Variants in CLPTM1 observed in about 807,000 individuals in gnomAD.
CLPTM1 encodes putative lipid scramblase CLPTM1.
Under a neutral mutation model 77.3 loss-of-function variants are expected in CLPTM1, and 21 were observed. That is an observed-to-expected ratio of 0.27 (90% confidence interval 0.19 to 0.39). CLPTM1 has a LOEUF of 0.39. Among genes scored for constraint, CLPTM1 ranks in the 10% least tolerant of loss-of-function variants. CLPTM1 has a pLI of 1.00. For missense variants in CLPTM1, 642 were observed against 921.2 expected (o/e 0.70, Z 3.92); for synonymous variants, 373 against 381.0 (o/e 0.98, Z 0.24).
At chr19:44,982,145 T>A (rs1272339543) in intron 5 of CLPTM1, among the ~76,000 whole-genome samples, 2 of 151,858 alleles carry the variant, frequency 1.3e-5, no homozygotes. Flanking sequence ...GGCCAGGAGT[T>A]TGAGACCAGC....
At chr19:44,971,300 A>G (rs1970713544) in intron 2 of CLPTM1, among the ~76,000 whole-genome samples, 1 of 152,074 alleles carries the variant, frequency 6.6e-6, no homozygotes, top group Non-Finnish European at 1.5e-5. Context: ...AGCAGCATAT[A>G]TTCTCATTCT....
chr19:44,978,149 G>C (rs1163460207), intron 5 of CLPTM1, among the ~76,000 whole-genome samples: 2 of 151,968 alleles, frequency 1.3e-5, no homozygotes, highest in African/African-American at 4.8e-5. Context: ...GCTCACGCCT[G>C]TAATCCCAGG....
Position 44,993,032 on chromosome 19 carries a change from GC to G in CLPTM1, c.*138del. The G allele has an allele frequency of 8.7e-7, 1 of 1,150,896 alleles. No homozygotes were observed. Among genetic ancestry groups the G allele is most frequent in the Non-Finnish European group, 1.3e-6 (1 of 791,622 alleles). 71.3% of individuals were successfully genotyped at this position (1,150,896 alleles called of 1,614,324 possible). A position where few individuals can be genotyped will look rare whatever the true frequency, so the allele number is the denominator to read the frequency against. On this transcript the variant is annotated 3_prime_UTR_variant, in exon 14 of 14. Coordinates refer to ENST00000337392, the MANE Select transcript of CLPTM1 (RefSeq NM_001294.4). ...GGTGGGAGGCCCGCCTCAGGTCAGG[GC>G]CCAGCGTGTGATGTAGGGGCCGGGG...
chr19:44,955,738 G>C, intron 1 of CLPTM1: 1 of 362,166 alleles, frequency 2.8e-6, no homozygotes, highest in Admixed American at 4.7e-5. Context: ...TCGGAGGGGC[G>C]CAGGCTTGTA....
rs201314437 is a variant in CLPTM1, at chr19:44,992,723, C to T, written c.1836C>T (p.Ala612=). 201 of 1,613,442 alleles carry T rather than the reference C, an allele frequency of 1.2e-4. No homozygotes were observed. Among genetic ancestry groups the T allele is most frequent in the African/African-American group, 5.7e-4 (43 of 75,008 alleles). The change falls in exon 14 of 14, where the codon GCC becomes GCT. Residue 612 remains alanine, a synonymous_variant. Coordinates refer to ENST00000337392, the MANE Select transcript of CLPTM1 (RefSeq NM_001294.4). The surrounding 1 kb of genome is among the most constrained non-coding windows in gnomAD (Gnocchi z 7.7). ...ACCCCACAGCTGCCGCCCCCGTGGC[C>T]GAGGTTCCCACAGCAGCAGGGGCCC... ...GEDPTAAAPV[A]EVPTAAGALT...
chr19:44,977,689 G>C (rs1970827486), intron 5 of CLPTM1, among the ~76,000 whole-genome samples: 1 of 152,200 alleles, frequency 6.6e-6, no homozygotes, highest in Non-Finnish European at 1.5e-5. Flanking sequence ...GAGGCTCAGG[G>C]ACCAGAGAGA....
Position 44,973,917 on chromosome 19 carries a change from C to G in CLPTM1, c.310-522C>G, listed in dbSNP as rs567904408. Among the ~76,000 whole-genome samples, 32 of 151,570 alleles carry G rather than the reference C, an allele frequency of 2.1e-4. No homozygotes were observed. In the South Asian group the frequency reaches 2.7e-3, roughly 13 times the overall value. ...TAGCTGGGATTACAGGCATGTGCCA[C>G]CACGTCCAGCTAATTTTTTGTATTT... is the stretch of plus-strand genomic sequence containing the variant. On this transcript the variant is annotated intron_variant, in intron 3 of 13. Coordinates refer to ENST00000337392, the MANE Select transcript of CLPTM1 (RefSeq NM_001294.4).
At chr19:44,968,676 G>T (rs1970671753) in intron 2 of CLPTM1, among the ~76,000 whole-genome samples, 1 of 152,154 alleles carries the variant, frequency 6.6e-6, no homozygotes, top group Non-Finnish European at 1.5e-5. Context: ...AATCCAAAAA[G>T]GCCTGGCCTT....
intron 6 of CLPTM1, among the ~76,000 whole-genome samples, 177 bp from the exon 7 acceptor site, chr19:44,986,278 G>A (rs1355427685): frequency 2.6e-4 from 3 of 11,646 alleles, no homozygotes; most frequent in Admixed American, 1.2e-3. Context: ...TGGGAGGATC[G>A]TGCTTGAGCC....
rs35539206 is a variant in CLPTM1, at chr19:44,964,298, C to CTTTTTTTTTTTTTTTT, written c.185+2238_185+2253dup. Among the ~76,000 whole-genome samples, 17 of 68,154 alleles carry CTTTTTTTTTTTTTTTT rather than the reference C, an allele frequency of 2.5e-4. 1 individual carries two copies. Among genetic ancestry groups the CTTTTTTTTTTTTTTTT allele is most frequent in the Non-Finnish European group, 3.2e-4 (12 of 37,718 alleles). 44.7% of individuals were successfully genotyped at this position (68,154 alleles called of 152,430 possible). On this transcript the variant is annotated intron_variant, in intron 2 of 13. Coordinates refer to ENST00000337392, the MANE Select transcript of CLPTM1 (RefSeq NM_001294.4). ...TTTTAACCTATGTTTTCATTTTAAC[C>CTTTTTTTTTTTTTTTT]TTTTTTTTTTTTTTTTTTTTTTTTT... is the stretch of plus-strand genomic sequence containing the variant.
chr19:44,988,125 A>G lies in CLPTM1; in HGVS notation c.1084A>G (p.Ile362Val), dbSNP rs748051771. The G allele has an allele frequency of 1.9e-6, 3 of 1,614,070 alleles. No homozygotes were observed. The East Asian group carries it at 6.7e-5, about 36-fold the overall frequency. Reference protein sequence around the residue: ...TNPYLLALTIIVSIVHSVFEF... With the variant: ...TNPYLLALTIVVSIVHSVFEF... ...CCCCTACCTGCTGGCGCTCACCATC[A>G]TCGTGTCTATCGTTCACAGTGTCTT... Residue 362 changes from isoleucine (I) to valine (V), a missense_variant, in exon 9 of 14, where the codon ATC becomes GTC. By Grantham distance (29) the Ile-to-Val change is conservative (BLOSUM62 3). Around this residue, in one of 2 missense-constraint regions of CLPTM1, gnomAD observed 521 missense variants for 800.4 expected, o/e 0.65. Coordinates refer to ENST00000337392, the MANE Select transcript of CLPTM1 (RefSeq NM_001294.4).
intron 8 of CLPTM1, chr19:44,987,692 G>A (rs1568389295): frequency 3.6e-6 from 2 of 558,054 alleles, no homozygotes; most frequent in African/African-American, 1.9e-5. Flanking sequence ...CAGACCTTGT[G>A]TCCCTGGCCC....
intron 1 of CLPTM1, among the ~76,000 whole-genome samples, chr19:44,960,787 G>A (rs564416848): frequency 3.9e-5 from 6 of 152,262 alleles, no homozygotes; most frequent in East Asian, 1.9e-4. Context: ...TTCAGGCAGC[G>A]GTGGCCACAC....
At chr19:44,955,639 G>A in intron 1 of CLPTM1, 172 bp downstream of exon 1, 1 of 578,640 alleles carries the variant, frequency 1.7e-6, no homozygotes, top group Non-Finnish European at 2.5e-6. Flanking sequence ...GGACGGTGCC[G>A]GGAACAGGGC....
At chr19:44,958,178 C>A (rs989156213) in intron 1 of CLPTM1, among the ~76,000 whole-genome samples, 3 of 151,914 alleles carry the variant, frequency 2.0e-5, no homozygotes, top group East Asian at 1.9e-4. Context: ...CAAAGATACA[C>A]GAGGGAAAAG....
At chr19:44,988,247 C>A in intron 9 of CLPTM1, 74 bp downstream of exon 9, 1 of 1,080,496 alleles carries the variant, frequency 9.3e-7, no homozygotes, top group Non-Finnish European at 1.4e-6. Context: ...TCCTCCTCCC[C>A]TCCCTCCCCA....
rs185582984 is a variant in CLPTM1, at chr19:44,968,517, A to G, written c.186-4570A>G. ...AATGTCTGTTTTCTTTGCTTACTCAAGTACATCAGGAAGCATTAGAAAGGT... is the reference window on the plus strand; with the variant it reads ...AATGTCTGTTTTCTTTGCTTACTCAGGTACATCAGGAAGCATTAGAAAGGT... On this transcript the variant is annotated intron_variant, in intron 2 of 13. Transcript: ENST00000337392. Among the ~76,000 whole-genome samples, 3 of 152,198 alleles carry G rather than the reference A, an allele frequency of 2.0e-5. No homozygotes were observed. The East Asian group carries it at 5.8e-4, about 29-fold the overall frequency.
In CLPTM1 at chr19:44,991,627, G is replaced by C. The variant is rs1971077407; in HGVS notation, c.1555+254G>C. Among the ~76,000 whole-genome samples the C allele has an allele frequency of 6.6e-6, 1 of 152,182 alleles. No individual in the cohort carries two copies. The highest frequency in any genetic ancestry group is 1.5e-5 in the Non-Finnish European group (1 of 68,010). On this transcript the variant is annotated intron_variant, in intron 12 of 13. Coordinates refer to ENST00000337392, the MANE Select transcript of CLPTM1 (RefSeq NM_001294.4). The surrounding 1 kb of genome is among the most constrained non-coding windows in gnomAD (Gnocchi z 5.4). Reference sequence around the variant, plus strand: ...GGGAACAAGTAAACAAGTAGGGCCAGGTGCAGTGGCTCACACCTGTTATCC... The same window carrying C: ...GGGAACAAGTAAACAAGTAGGGCCACGTGCAGTGGCTCACACCTGTTATCC...
chr19:44,960,234 C>T (rs188677085), intron 1 of CLPTM1, among the ~76,000 whole-genome samples: 3 of 152,316 alleles, frequency 2.0e-5, no homozygotes, highest in Admixed American at 2.0e-4. Context: ...TCAGGGAGGC[C>T]TCTCTGACCA....
Sources: gnomAD v4.1 joint callset for allele counts (sites outside exome capture counted in the v4.1 genomes callset) on GRCh38, gnomAD v4.1.1 for gene constraint, gnomAD v4.1.1 regional missense constraint, Gnocchi (gnomAD v3.1) non-coding constraint, MANE v1.5 for transcripts, NCBI Gene and HGNC (gene_info 2026-07-23, HGNC 2026-07-21) for gene names.